The following SAMSN1 variants were observed in gnomAD, a reference collection of about 807,000 sequenced individuals.
SAMSN1 encodes the protein SAM domain, SH3 domain and nuclear localization signals 1, also known as SAM domain-containing protein SAMSN-1.
A neutral mutation model predicts 42.0 loss-of-function variants in SAMSN1; 31 were observed. The ratio of observed to expected loss-of-function variants is 0.74; its 90% CI spans 0.55 to 1.00. SAMSN1 has a LOEUF of 1.00. Ranked by LOEUF, SAMSN1 falls within the 50% of genes least tolerant of loss-of-function variation. The pLI is 0.00. For missense variants in SAMSN1, 464 were observed against 439.4 expected, an observed-to-expected ratio of 1.06 and a Z score of -0.50; for synonymous variants, 178 against 151.9, an observed-to-expected ratio of 1.17 and a Z score of -1.26.
intron 2 of SAMSN1, among the ~76,000 whole-genome samples, chr21:14,629,741 G>C (rs759718506): frequency 8.5e-5 from 13 of 152,090 alleles, no homozygotes; most frequent in Non-Finnish European, 1.6e-4. Flanking sequence ...TTGTCTACTA[G>C]TGTGCGAAGA....
chr21:14,503,208 GGGTCTGACAAATCA>G (rs1987248708), intron 5 of SAMSN1, among the ~76,000 whole-genome samples: 1 of 152,040 alleles, frequency 6.6e-6, no homozygotes, highest in Non-Finnish European at 1.5e-5. Context: ...TTATCTTGAT[GGGTCTGACAAATCA>G]GGTAGGATCC....
At chr21:14,580,452 G>C (rs1435643020) in intron 2 of SAMSN1, among the ~76,000 whole-genome samples, 1 of 152,178 alleles carries the variant, frequency 6.6e-6, no homozygotes, top group Non-Finnish European at 1.5e-5. Context: ...CCTTGATCCT[G>C]CTTCTGAAGA....
rs552094553 is a variant in SAMSN1, at chr21:14,625,198, T to C, written c.157-9182A>G. Among the ~76,000 whole-genome samples the C allele has an allele frequency of 8.3e-4, 126 of 152,228 alleles. 2 individuals are homozygous for C. The South Asian group carries it at 0.011, about 13-fold the overall frequency. ...ACTGAATGGGCAAAAACTGGACGCA[T>C]TCCCTTTGAAAACTGGCACAAGACA... On this transcript the variant is annotated intron_variant, in intron 2 of 15. Transcript: ENST00000647101.
chr21:14,627,277 G>GAA (rs57307763), intron 2 of SAMSN1, among the ~76,000 whole-genome samples: 2,892 of 150,892 alleles, frequency 0.019, 28 homozygotes, highest in Non-Finnish European at 0.024. Flanking sequence ...AAAGTATAAT[G>GAA]AAAAAAAAAG....
intron 5 of SAMSN1, among the ~76,000 whole-genome samples, chr21:14,502,499 G>A (rs1348432655): frequency 6.6e-6 from 1 of 152,070 alleles, no homozygotes; most frequent in Admixed American, 6.5e-5. Flanking sequence ...TAAGACCCTT[G>A]ATGGAAATAA....
chr21:14,517,922 G>T (rs1368253450), intron 2 of SAMSN1, among the ~76,000 whole-genome samples: 2 of 152,090 alleles, frequency 1.3e-5, no homozygotes, highest in South Asian at 2.1e-4. Context: ...CTAGATCAGT[G>T]GTTCTCAAAA....
chr21:14,560,919 G>A (rs143419112), intron 2 of SAMSN1, among the ~76,000 whole-genome samples: 2 of 152,270 alleles, frequency 1.3e-5, no homozygotes, highest in East Asian at 3.9e-4. Flanking sequence ...TCTCAGTATT[G>A]GAGGCTAAAA....
At chr21:14,621,904 T>C (rs1336384396) in intron 2 of SAMSN1, among the ~76,000 whole-genome samples, 1 of 152,170 alleles carries the variant, frequency 6.6e-6, no homozygotes, top group African/African-American at 2.4e-5. Flanking sequence ...CCCACATGGC[T>C]GGGTACCCCT....
At chr21:14,552,679 C>T (rs1980638973) in intron 2 of SAMSN1, among the ~76,000 whole-genome samples, 3 of 151,980 alleles carry the variant, frequency 2.0e-5, no homozygotes, top group Admixed American at 2.0e-4. Flanking sequence ...TTATAGCAGC[C>T]CAAATGGACT....
At chr21:14,590,853 A>C (rs1317605226) in intron 7 of SAMSN1, among the ~76,000 whole-genome samples, 1 of 152,188 alleles carries the variant, frequency 6.6e-6, no homozygotes, top group Non-Finnish European at 1.5e-5. Flanking sequence ...TTCATGACCT[A>C]AAACATATTC....
chr21:14,553,594 A>G (rs1466432161), intron 2 of SAMSN1, among the ~76,000 whole-genome samples: 2 of 152,184 alleles, frequency 1.3e-5, no homozygotes, highest in Non-Finnish European at 2.9e-5. Context: ...TCTCATTTGC[A>G]GAAACATATC....
chr21:14,644,432 C>T (rs1037536374), intron 1 of SAMSN1, among the ~76,000 whole-genome samples: 7 of 152,008 alleles, frequency 4.6e-5, no homozygotes, highest in African/African-American at 1.5e-4. Flanking sequence ...AGAAGGAAAC[C>T]GCTGCCCTGA....
intron 2 of SAMSN1, among the ~76,000 whole-genome samples, chr21:14,631,000 C>T (rs534642277): frequency 8.5e-5 from 13 of 152,308 alleles, no homozygotes; most frequent in Admixed American, 3.3e-4. Flanking sequence ...TCTAAGATGA[C>T]ATGTCACCTT....
chr21:14,582,010 A>G (rs1981747795), intron 2 of SAMSN1: 1 of 867,556 alleles, frequency 1.2e-6, no homozygotes, highest in Non-Finnish European at 1.7e-6. Flanking sequence ...TGGAAAGACA[A>G]CTCTTGCTCT....
At chr21:14,626,830 A>G (rs1240985938) in intron 2 of SAMSN1, among the ~76,000 whole-genome samples, 2 of 152,244 alleles carry the variant, frequency 1.3e-5, no homozygotes, top group East Asian at 3.8e-4. Flanking sequence ...ATGCACACGT[A>G]TGTTTATTGT....
chr21:14,579,217 C>T (rs2123237986), intron 2 of SAMSN1, among the ~76,000 whole-genome samples: 1 of 152,310 alleles, frequency 6.6e-6, no homozygotes, highest in South Asian at 2.1e-4. Flanking sequence ...CTCTTGAACC[C>T]TCTCTCCAAG....
chr21:14,608,144 CT>C (rs1237720585), intron 5 of SAMSN1, among the ~76,000 whole-genome samples: 1 of 152,130 alleles, frequency 6.6e-6, no homozygotes, highest in African/African-American at 2.4e-5. Flanking sequence ...CCATAAGTAA[CT>C]AAAAATGAGG....
intron 1 of SAMSN1, among the ~76,000 whole-genome samples, chr21:14,649,731 C>T (rs1291527235): frequency 1.3e-5 from 2 of 151,586 alleles, no homozygotes; most frequent in East Asian, 3.9e-4. Flanking sequence ...GATCATACCA[C>T]TGCACTCCAG....
At chr21:14,522,161 G>T (rs890698966) in intron 1 of SAMSN1, among the ~76,000 whole-genome samples, 2 of 152,174 alleles carry the variant, frequency 1.3e-5, no homozygotes, top group African/African-American at 4.8e-5. Context: ...ATGTTGTCTT[G>T]AATACCTTTT....
Sources: allele counts gnomAD v4.1 joint callset (sites outside exome capture counted in the v4.1 genomes callset), GRCh38; gene constraint gnomAD v4.1.1; transcripts MANE v1.5; gene names NCBI Gene and HGNC (gene_info 2026-07-23, HGNC 2026-07-21).